The following OBP2B variants were observed in gnomAD, a reference collection of about 807,000 sequenced individuals.
OBP2B encodes odorant binding protein 2B.
OBP2B carries 10 observed loss-of-function variants against 21.7 expected under a neutral mutation model. The ratio of observed to expected loss-of-function variants is 0.46; its 90% CI spans 0.28 to 0.78. OBP2B has a LOEUF of 0.78. Among genes scored for constraint, OBP2B ranks in the 30% least tolerant of loss-of-function variants. The pLI is 0.11. For missense variants in OBP2B, 153 were observed against 217.7 expected, an observed-to-expected ratio of 0.70 and a Z score of 1.87; for synonymous variants, 73 against 91.5, an observed-to-expected ratio of 0.80 and a Z score of 1.16.
intron 1 of OBP2B, 82 bp from the exon 2 acceptor site, chr9:133,208,684 C>T: frequency 6.5e-7 from 1 of 1,528,132 alleles, no homozygotes; most frequent in Non-Finnish European, 8.8e-7. Context: ...GCAGCTATAA[C>T]CAGACACCCA....
At chr9:133,210,890 C>T (rs1479213524), upstream of OBP2B, among the ~76,000 whole-genome samples, 3 of 152,154 alleles carry the variant, frequency 2.0e-5, no homozygotes, top group Non-Finnish European at 2.9e-5. Flanking sequence ...CCATGGCAGA[C>T]ATGAGGGGTG....
At chr9:133,222,049 G>A in the OBP2B span, among the ~76,000 whole-genome samples, 43 of 152,248 alleles carry the variant, frequency 2.8e-4, no homozygotes, top group Middle Eastern at 3.5e-3. Flanking sequence ...TTGTGTAGGG[G>A]TGGATTCTAG....
the OBP2B span, among the ~76,000 whole-genome samples, chr9:133,214,255 T>A: frequency 1.3e-5 from 2 of 152,222 alleles, no homozygotes; most frequent in Admixed American, 6.5e-5. Flanking sequence ...CTAACATCAT[T>A]TCTCATGGTG....
At chr9:133,222,204 A>G in the OBP2B span, among the ~76,000 whole-genome samples, 1 of 152,186 alleles carries the variant, frequency 6.6e-6, no homozygotes, top group Non-Finnish European at 1.5e-5. Context: ...CTGCACCAGG[A>G]GACAGGAGAT....
chr9:133,222,767 T>C, the OBP2B span, among the ~76,000 whole-genome samples: 1 of 151,836 alleles, frequency 6.6e-6, no homozygotes, highest in Non-Finnish European at 1.5e-5. Flanking sequence ...CTGAGAGCCA[T>C]TCCTTAGAAA....
At chr9:133,207,758 C>A in intron 3 of OBP2B, 1 of 977,390 alleles carries the variant, frequency 1.0e-6, no homozygotes. Context: ...GTCCCTAACC[C>A]TCAGCCTCCC....
upstream of OBP2B, among the ~76,000 whole-genome samples, chr9:133,213,704 A>G (rs1833943178): frequency 6.6e-6 from 1 of 152,258 alleles, no homozygotes; most frequent in African/African-American, 2.4e-5. Flanking sequence ...GGTGAAATGA[A>G]CCAATTTCTC....
upstream of OBP2B, among the ~76,000 whole-genome samples, chr9:133,209,461 C>T (rs568739022): frequency 2.0e-5 from 3 of 152,280 alleles, no homozygotes; most frequent in Admixed American, 1.3e-4. The surrounding 1 kb of genome is among the most constrained non-coding windows in gnomAD (Gnocchi z 6.0). Context: ...ACCACCCGAA[C>T]GCGCCCACTC....
the OBP2B span, among the ~76,000 whole-genome samples, chr9:133,215,996 AG>A: frequency 5.6e-3 from 858 of 152,348 alleles, 8 homozygotes; most frequent in African/African-American, 0.02. Context: ...TTTAGAAAAC[AG>A]AAAGAAAATC....
chr9:133,219,380 G>A, the OBP2B span, among the ~76,000 whole-genome samples: 4 of 152,156 alleles, frequency 2.6e-5, no homozygotes, highest in Non-Finnish European at 2.9e-5. Flanking sequence ...GACAAGAGTC[G>A]AGTCTAGTAT....
At chr9:133,207,863 A>T in intron 3 of OBP2B, 1 of 1,517,588 alleles carries the variant, frequency 6.6e-7, no homozygotes, top group Non-Finnish European at 8.8e-7. Context: ...TCCTTGTCCC[A>T]ATCCTCAGCT....
In OBP2B at chr9:133,206,317, G is replaced by T; in HGVS notation, c.488C>A (p.Thr163Lys). 1 of 1,613,784 alleles carries T rather than the reference G, an allele frequency of 6.2e-7. No individual in the cohort carries two copies. The highest frequency in any genetic ancestry group is 1.1e-5 in the South Asian group (1 of 91,082). Residue 163 changes from threonine to lysine, a missense_variant and splice_region_variant, in exon 5 of 7, where the codon ACG (threonine) becomes AAG (lysine). Physicochemically the swap from Thr to Lys is moderately conservative, Grantham distance 78. Transcript: ENST00000372034. Reference sequence around the variant, plus strand: ...GGACTGGGCACAGCCATCCTCACCCGTCTGCAGGGGCGTGAAAATGTCCTC... The same window carrying T: ...GGACTGGGCACAGCCATCCTCACCCTTCTGCAGGGGCGTGAAAATGTCCTC... ...SEEDIFTPLQ[T>K]GSCVPEH
chr9:133,210,215 T>C (rs1183159217), upstream of OBP2B, among the ~76,000 whole-genome samples: 1 of 152,116 alleles, frequency 6.6e-6, no homozygotes, highest in Non-Finnish European at 1.5e-5. Flanking sequence ...GACCCTGCAT[T>C]TCCCAGGTGT....
At chr9:133,210,434 C>G (rs1187546797), upstream of OBP2B, among the ~76,000 whole-genome samples, 1 of 152,068 alleles carries the variant, frequency 6.6e-6, no homozygotes, top group Non-Finnish European at 1.5e-5. Context: ...GCAAGTGCTG[C>G]CGAGCAGAAA....
intron 3 of OBP2B, chr9:133,207,931 C>G: frequency 2.0e-6 from 3 of 1,534,236 alleles, no homozygotes; most frequent in Non-Finnish European, 2.6e-6. Flanking sequence ...TGGTCCATCT[C>G]GACTGCGGAC....
At chr9:133,207,867 C>T (rs782452900) in intron 3 of OBP2B, 5 of 1,519,968 alleles carry the variant, frequency 3.3e-6, no homozygotes, top group South Asian at 1.2e-5. Flanking sequence ...TGTCCCAATC[C>T]TCAGCTTCCT....
upstream of OBP2B, among the ~76,000 whole-genome samples, chr9:133,210,801 G>T (rs1368732634): frequency 2.0e-5 from 3 of 152,182 alleles, no homozygotes; most frequent in African/African-American, 7.2e-5. Flanking sequence ...TTCGCCAACT[G>T]TGTCCTTTTA....
At chr9:133,221,030 T>A in the OBP2B span, among the ~76,000 whole-genome samples, 1 of 152,182 alleles carries the variant, frequency 6.6e-6, no homozygotes, top group Non-Finnish European at 1.5e-5. Flanking sequence ...CTGCCAACCT[T>A]CGTTTTAGCC....
upstream of OBP2B, among the ~76,000 whole-genome samples, chr9:133,214,159 C>T (rs192809573): frequency 1.8e-4 from 28 of 152,266 alleles, no homozygotes; most frequent in African/African-American, 5.5e-4. Context: ...AAATTCATCA[C>T]GCATTCAGGA....
Sources: gnomAD v4.1 joint callset for allele counts (sites outside exome capture counted in the v4.1 genomes callset) on GRCh38, gnomAD v4.1.1 for gene constraint, Gnocchi (gnomAD v3.1) non-coding constraint, MANE v1.5 for transcripts, NCBI Gene and HGNC (gene_info 2026-07-23, HGNC 2026-07-21) for gene names.